Variants in RANBP1 observed in about 807,000 individuals in gnomAD.
RANBP1 encodes RAN binding protein 1.
In RANBP1, 16 loss-of-function variants were observed where a neutral mutation model predicts 31.4. That is an observed-to-expected ratio of 0.51 (90% CI 0.34 to 0.77). The LOEUF (loss-of-function observed/expected upper bound fraction) is 0.77, where lower values mean the gene tolerates loss of function less well. Ranked by LOEUF, RANBP1 falls within the 30% of genes least tolerant of loss-of-function variation. RANBP1 has a pLI of 0.01. For synonymous variants in RANBP1, 129 were observed against 140.5 expected (o/e 0.92, Z 0.58); for missense variants, 265 against 362.0 (o/e 0.73, Z 2.17).
chr22:20,120,471 C>G (rs1287483762), intron 2 of RANBP1, among the ~76,000 whole-genome samples: 1 of 152,144 alleles, frequency 6.6e-6, no homozygotes, highest in Non-Finnish European at 1.5e-5. Context: ...GGGCCCGGGT[C>G]TTTGCAGTAA....
chr22:20,118,420 A>C, intron 1 of RANBP1: 1 of 900,434 alleles, frequency 1.1e-6, no homozygotes, highest in Non-Finnish European at 1.4e-6. Context: ...TTATCTAGTT[A>C]TTAACTTAGT....
chr22:20,121,803 A>T (rs895809449), intron 2 of RANBP1, among the ~76,000 whole-genome samples: 1 of 150,070 alleles, frequency 6.7e-6, no homozygotes, highest in Non-Finnish European at 1.5e-5. Context: ...CAGTGGGGCA[A>T]TCTCCACTCA....
intron 4 of RANBP1, among the ~76,000 whole-genome samples, chr22:20,126,026 C>G (rs2050289047): frequency 6.6e-6 from 1 of 152,392 alleles, no homozygotes; most frequent in East Asian, 1.9e-4. Context: ...GTGGCTGCCC[C>G]AGCAGCCTTT....
chr22:20,117,068 C>T, intron 1 of RANBP1: 1 of 934,950 alleles, frequency 1.1e-6, no homozygotes, highest in Non-Finnish European at 1.6e-6. Flanking sequence ...CCACCCCCGG[C>T]TTCGCCCCAG....
chr22:20,124,116 C>G (rs2050246379), intron 3 of RANBP1: 1 of 152,682 alleles, frequency 6.5e-6, no homozygotes, highest in South Asian at 2.1e-4. Flanking sequence ...AGCTTGCACT[C>G]TGGCTGGTCC....
chr22:20,121,449 A>T (rs2050169011), intron 2 of RANBP1, among the ~76,000 whole-genome samples: 1 of 151,212 alleles, frequency 6.6e-6, no homozygotes, highest in African/African-American at 2.4e-5. Context: ...GGGTTTCTCC[A>T]CGTTGGTCAG....
At chr22:20,125,860 C>T (rs2050285304) in intron 4 of RANBP1, among the ~76,000 whole-genome samples, 1 of 152,260 alleles carries the variant, frequency 6.6e-6, no homozygotes, top group African/African-American at 2.4e-5. Flanking sequence ...CAGAGAGATC[C>T]ACAGGCCCAG....
intron 1 of RANBP1, chr22:20,117,331 G>A (rs952415312): frequency 3.5e-6 from 4 of 1,141,466 alleles, no homozygotes. Context: ...GCGCGCGGGT[G>A]TCGCCGGGAG....
rs1602542232 is a variant in RANBP1, at chr22:20,122,441, A to C, written c.541+20A>C. ...ACTACAGTAGGTGGCATGAACGACC[A>C]CCTCGACAGTCCCCAGCAGCTTGGC... is the stretch of plus-strand genomic sequence containing the variant. On this transcript the variant is annotated intron_variant, in intron 3 of 5. Transcript: ENST00000430524. The C allele has an allele frequency of 6.2e-7, 1 of 1,611,024 alleles. No homozygotes were observed. The highest frequency in any genetic ancestry group is 8.5e-7 in the Non-Finnish European group (1 of 1,178,490).
intron 3 of RANBP1, chr22:20,125,093 T>C (rs1442413621): frequency 1.8e-6 from 1 of 566,952 alleles, no homozygotes; most frequent in African/African-American, 1.9e-5. Context: ...AGGATGGTCC[T>C]GGTTTTAAGT....
intron 2 of RANBP1, chr22:20,119,387 C>T (rs1468412075): frequency 4.8e-5 from 24 of 497,820 alleles, no homozygotes; most frequent in Non-Finnish European, 7.9e-5. Flanking sequence ...GCTCTGTCCA[C>T]TGGCATGGCG....
At chr22:20,122,705 C>G in intron 3 of RANBP1, 1 of 1,303,140 alleles carries the variant, frequency 7.7e-7, no homozygotes, top group Non-Finnish European at 1.0e-6. Flanking sequence ...GGAGTGAGTG[C>G]TGCAGGGCGA....
At chr22:20,125,492 T>G (rs1286544661) in intron 4 of RANBP1, 56 bp downstream of exon 4, 1 of 1,556,258 alleles carries the variant, frequency 6.4e-7, no homozygotes, top group African/African-American at 1.4e-5. Flanking sequence ...CGTGGCAGCG[T>G]GGCGGGTTAT....
In RANBP1 at chr22:20,126,387, T is replaced by C. The variant is rs937321635; in HGVS notation, c.736+19T>C. On this transcript the variant is annotated intron_variant, in intron 5 of 5. Coordinates refer to ENST00000430524, the MANE Select transcript of RANBP1 (RefSeq NM_001278639.2). Reference sequence around the variant, plus strand: ...AAGAAAGGTGACGTGGTGCCATGGGTTGGGGGGCTTCTTTGCAGACTCACT... The same window carrying C: ...AAGAAAGGTGACGTGGTGCCATGGGCTGGGGGGCTTCTTTGCAGACTCACT... The C allele has an allele frequency of 2.8e-5, 45 of 1,613,540 alleles. No homozygotes were observed. The highest frequency in any genetic ancestry group is 3.6e-5 in the Non-Finnish European group (42 of 1,179,894).
intron 4 of RANBP1, 143 bp from the exon 5 acceptor site, chr22:20,126,160 C>T (rs1328466632): frequency 1.0e-5 from 10 of 981,020 alleles, no homozygotes; most frequent in East Asian, 5.0e-5. Context: ...AGGCCAGGGC[C>T]GATGTCAGGT....
At position 20,127,007 on chromosome 22, in the gene RANBP1, C is replaced by G; in HGVS notation, c.792C>G (p.Leu264=). ...AAGTGGCGGAAAAGCTAGAAGCTCT[C>G]TCGGTGAAGGAGGAGACCAAGGAGG... ...AEKVAEKLEA[L]SVKEETKEDA... Residue 264 remains leucine, a synonymous_variant, in exon 6 of 6, where the codon CTC becomes CTG. Transcript: ENST00000430524. 1 of 1,613,762 alleles carries G rather than the reference C, an allele frequency of 6.2e-7. No individual in the cohort carries two copies. Among genetic ancestry groups the G allele is most frequent in the South Asian group, 1.1e-5 (1 of 91,066 alleles).
intron 1 of RANBP1, 128 bp downstream of exon 1, chr22:20,116,558 G>T: frequency 6.3e-7 from 1 of 1,583,050 alleles, no homozygotes; most frequent in Non-Finnish European, 8.6e-7. Context: ...GAGACGGTAG[G>T]GCAGCTCAGG....
chr22:20,117,451 C>T, intron 1 of RANBP1: 1 of 1,198,064 alleles, frequency 8.3e-7, no homozygotes, highest in South Asian at 2.7e-5. Flanking sequence ...GCCAATAAAG[C>T]TGTACTGGTT....
At chr22:20,117,351 C>T in intron 1 of RANBP1, 1 of 1,214,140 alleles carries the variant, frequency 8.2e-7, no homozygotes, top group East Asian at 3.7e-5. Flanking sequence ...GTGCGCGCTC[C>T]TCTGGCTGAC....
Sources: gnomAD v4.1 joint callset for allele counts (sites outside exome capture counted in the v4.1 genomes callset) on GRCh38, gnomAD v4.1.1 for gene constraint, MANE v1.5 for transcripts, NCBI Gene and HGNC (gene_info 2026-07-23, HGNC 2026-07-21) for gene names.